Variants in NELL1 observed in about 807,000 individuals in gnomAD.
The protein encoded by NELL1 is neural EGFL like 1.
A neutral mutation model predicts 107.4 loss-of-function variants in NELL1; 76 were observed. That is an observed-to-expected ratio of 0.71 (90% CI 0.59 to 0.86). The LOEUF (loss-of-function observed/expected upper bound fraction) is 0.86, where lower values mean the gene tolerates loss of function less well. Among genes scored for constraint, NELL1 ranks in the 40% least tolerant of loss-of-function variants. The probability of loss-of-function intolerance (pLI) is 0.00; values close to 1 mark genes in which losing one functional copy is unlikely to be tolerated. For synonymous variants in NELL1, 353 were observed against 341.2 expected, an observed-to-expected ratio of 1.03 and a Z score of -0.38; for missense variants, 1,024 against 1,005.5, an observed-to-expected ratio of 1.02 and a Z score of -0.25.
rs377549458 is a variant in NELL1 at position 21,164,524 on chromosome 11, G to C, written c.1426+50810G>C. On this transcript the variant is annotated intron_variant, in intron 13 of 19. Transcript: ENST00000357134. ...AGCCAAAGTGACATTTATTGGCTAA[G>C]TCCTGTTTTCTCCTGCCTTTAGTGT... 3.9e-5 allele frequency among the ~76,000 whole-genome samples: 6 copies of C among 152,190 alleles called. No individual in the cohort carries two copies. In the East Asian group the frequency reaches 1.2e-3, roughly 29 times the overall value.
At chr11:20,693,997 T>A (rs558741135) in intron 2 of NELL1, among the ~76,000 whole-genome samples, 2 of 152,212 alleles carry the variant, frequency 1.3e-5, no homozygotes, top group African/African-American at 2.4e-5. Flanking sequence ...TTTTATTCTT[T>A]TTTCTCTAAA....
chr11:21,307,940 G>T (rs181725178), intron 14 of NELL1, among the ~76,000 whole-genome samples: 2 of 152,038 alleles, frequency 1.3e-5, no homozygotes, highest in Admixed American at 1.3e-4. Flanking sequence ...ACCTCAGAAA[G>T]ATTTAGGGCC....
At chr11:21,079,659 T>G (rs956676806) in intron 12 of NELL1, among the ~76,000 whole-genome samples, 1 of 152,020 alleles carries the variant, frequency 6.6e-6, no homozygotes, top group Admixed American at 6.6e-5. Flanking sequence ...AACAAATTAT[T>G]TAGAATTACT....
chr11:21,391,063 G>C (rs1252105621), intron 15 of NELL1, among the ~76,000 whole-genome samples: 1 of 151,600 alleles, frequency 6.6e-6, no homozygotes, highest in African/African-American at 2.4e-5. Flanking sequence ...TAGAAACTAA[G>C]TTGTTCAAAT....
chr11:20,711,110 G>A (rs1855103114), intron 2 of NELL1, among the ~76,000 whole-genome samples: 4 of 151,948 alleles, frequency 2.6e-5, no homozygotes, highest in Admixed American at 2.6e-4. Context: ...CCTGGGGTGT[G>A]ACCTTAGATA....
At chr11:21,312,731 T>A (rs1409964601) in intron 14 of NELL1, among the ~76,000 whole-genome samples, 2 of 152,130 alleles carry the variant, frequency 1.3e-5, no homozygotes, top group Non-Finnish European at 2.9e-5. Context: ...TACACATACC[T>A]TTGCATGCAA....
chr11:20,731,852 T>A (rs1471797184), intron 2 of NELL1, among the ~76,000 whole-genome samples: 11 of 152,182 alleles, frequency 7.2e-5, no homozygotes, highest in Non-Finnish European at 1.6e-4. Flanking sequence ...TGGGAGCAGG[T>A]GTGCGCAGAT....
chr11:21,177,581 A>G (rs1856740080), intron 13 of NELL1, among the ~76,000 whole-genome samples: 1 of 151,880 alleles, frequency 6.6e-6, no homozygotes, highest in South Asian at 2.1e-4. Context: ...ATGCACATGC[A>G]AGTGTAGACA....
intron 2 of NELL1, among the ~76,000 whole-genome samples, chr11:20,702,416 C>T (rs891207411): frequency 6.6e-6 from 1 of 152,094 alleles, no homozygotes; most frequent in Non-Finnish European, 1.5e-5. Flanking sequence ...TGGGCTGAGA[C>T]AATGGGGTTT....
intron 2 of NELL1, among the ~76,000 whole-genome samples, chr11:20,754,923 T>C (rs1229167798): frequency 6.6e-6 from 1 of 152,172 alleles, no homozygotes; most frequent in African/African-American, 2.4e-5. Context: ...TAGTGAAAAG[T>C]TCAGGTCCAT....
chr11:20,939,211 C>T (rs1159897601), intron 10 of NELL1, among the ~76,000 whole-genome samples: 2 of 151,948 alleles, frequency 1.3e-5, no homozygotes, highest in African/African-American at 4.8e-5. Flanking sequence ...AGGAGAAACC[C>T]AGATGATGTC....
At chr11:21,543,756 C>T (rs537086204) in intron 16 of NELL1, among the ~76,000 whole-genome samples, 2 of 151,924 alleles carry the variant, frequency 1.3e-5, no homozygotes, top group African/African-American at 2.4e-5. Context: ...GGAAGACAAG[C>T]GCACCTCCTC....
intron 14 of NELL1, among the ~76,000 whole-genome samples, chr11:21,354,433 A>G (rs1375647878): frequency 6.6e-6 from 1 of 152,016 alleles, no homozygotes; most frequent in Non-Finnish European, 1.5e-5. Flanking sequence ...TGAAACTGGC[A>G]TTGCTTCTCA....
chr11:21,560,706 C>T (rs144535363), intron 17 of NELL1, among the ~76,000 whole-genome samples: 14 of 152,130 alleles, frequency 9.2e-5, no homozygotes, highest in African/African-American at 3.4e-4. Context: ...TTAATGAGCC[C>T]TCATCCCACG....
At position 21,001,765 on chromosome 11, in the gene NELL1, C is replaced by A. The variant is rs373213720; in HGVS notation, c.1300+41205C>A. Among the ~76,000 whole-genome samples, 3 of 151,820 alleles carry A rather than the reference C, an allele frequency of 2.0e-5. No individual in the cohort carries two copies. The East Asian group carries it at 5.8e-4, about 30-fold the overall frequency. Reference sequence around the variant, plus strand: ...ACATTGGAAGGGGGAGAGGTGGATTCTGTCTTCCTCTTAAGCCTAGCGAGA... The same window carrying A: ...ACATTGGAAGGGGGAGAGGTGGATTATGTCTTCCTCTTAAGCCTAGCGAGA... On this transcript the variant is annotated intron_variant, in intron 12 of 19. Transcript: ENST00000357134.
intron 12 of NELL1, among the ~76,000 whole-genome samples, chr11:20,963,571 G>A (rs1221653864): frequency 2.6e-5 from 4 of 152,068 alleles, no homozygotes; most frequent in South Asian, 2.1e-4. Flanking sequence ...GAGATAAATG[G>A]TCATGCAGGC....
chr11:21,272,115 C>G (rs547369846), intron 14 of NELL1, among the ~76,000 whole-genome samples: 2 of 152,264 alleles, frequency 1.3e-5, no homozygotes, highest in Admixed American at 6.5e-5. Context: ...ATCGCCTCAC[C>G]CAGGAAGCGC....
In NELL1 at chr11:20,798,082, T is replaced by C. The variant is rs372655760; in HGVS notation, c.335+14252T>C. ...TGCCTAGCACAGTGTAGACATAGCTTCAAGGAAACGTTTAAAGGATGTATA... is the reference window on the plus strand; with the variant it reads ...TGCCTAGCACAGTGTAGACATAGCTCCAAGGAAACGTTTAAAGGATGTATA... On this transcript the variant is annotated intron_variant, in intron 3 of 19. Coordinates refer to ENST00000357134, the MANE Select transcript of NELL1 (RefSeq NM_006157.5). 1.4e-4 allele frequency among the ~76,000 whole-genome samples: 21 copies of C among 152,256 alleles called. No individual in the cohort carries two copies. The East Asian group carries it at 1.9e-3, about 14-fold the overall frequency.
intron 14 of NELL1, among the ~76,000 whole-genome samples, chr11:21,299,929 A>G (rs1246755946): frequency 1.3e-5 from 2 of 152,024 alleles, no homozygotes; most frequent in Non-Finnish European, 2.9e-5. Flanking sequence ...TGCAGGCCAT[A>G]ATTGGTGAAC....
Sources: allele counts gnomAD v4.1 joint callset (sites outside exome capture counted in the v4.1 genomes callset), GRCh38; gene constraint gnomAD v4.1.1; transcripts MANE v1.5; gene names NCBI Gene and HGNC (gene_info 2026-07-23, HGNC 2026-07-21).